Variants in DACH1 observed in about 807,000 individuals in gnomAD.
The protein encoded by DACH1 is dachshund family transcription factor 1.
In DACH1, 12 loss-of-function variants were observed where a neutral mutation model predicts 54.2. The ratio of observed to expected loss-of-function variants is 0.22; its 90% CI spans 0.14 to 0.36. The LOEUF is 0.36. DACH1 is among the 10% of genes least tolerant of loss of function. DACH1 has a pLI of 1.00. For missense variants in DACH1, 805 were observed against 929.8 expected, an observed-to-expected ratio of 0.87 and a Z score of 1.75; for synonymous variants, 386 against 366.2, an observed-to-expected ratio of 1.05 and a Z score of -0.62.
At position 71,623,534 on chromosome 13, in the gene DACH1, G is replaced by T. The variant is rs111689961; in HGVS notation, c.1126+7022C>A. ...AATACTTATCCATCATATAATGCTTGCATAATATGTAAATAGATGTTATAG... is the reference window on the plus strand; with the variant it reads ...AATACTTATCCATCATATAATGCTTTCATAATATGTAAATAGATGTTATAG... On this transcript the variant is annotated intron_variant, in intron 3 of 10. Coordinates refer to ENST00000613252, the MANE Select transcript of DACH1 (RefSeq NM_080759.6). 2.0e-3 allele frequency among the ~76,000 whole-genome samples: 307 copies of T among 151,670 alleles called. 2 individuals carry two copies. The highest frequency in any genetic ancestry group is 7.1e-3 in the African/African-American group (293 of 41,444).
chr13:71,679,485 A>T (rs1345062299), intron 2 of DACH1, among the ~76,000 whole-genome samples: 1 of 152,182 alleles, frequency 6.6e-6, no homozygotes, highest in Non-Finnish European at 1.5e-5. Flanking sequence ...TATAATATGA[A>T]TACAATCTAG....
intron 1 of DACH1, among the ~76,000 whole-genome samples, chr13:71,809,531 C>T (rs1393682522): frequency 1.3e-5 from 2 of 152,062 alleles, no homozygotes; most frequent in African/African-American, 4.8e-5. Flanking sequence ...AATGGTGCCA[C>T]AAATTAATAA....
intron 1 of DACH1, among the ~76,000 whole-genome samples, chr13:71,804,572 C>G (rs1195590909): frequency 6.6e-6 from 1 of 152,152 alleles, no homozygotes; most frequent in Non-Finnish European, 1.5e-5. Flanking sequence ...CAAGGCTCTT[C>G]TTTCTTGACC....
chr13:71,772,301 T>A (rs1268584011), intron 1 of DACH1, among the ~76,000 whole-genome samples: 1 of 151,774 alleles, frequency 6.6e-6, no homozygotes. Flanking sequence ...AAAATCACAC[T>A]TTTGTTAAAG....
At chr13:71,529,968 G>C (rs1882301334) in intron 6 of DACH1, among the ~76,000 whole-genome samples, 1 of 152,074 alleles carries the variant, frequency 6.6e-6, no homozygotes, top group African/African-American at 2.4e-5. Context: ...TTTTTGTCAA[G>C]TTAGGTAGCA....
At chr13:71,612,868 C>T (rs1483887562) in intron 3 of DACH1, among the ~76,000 whole-genome samples, 4 of 152,080 alleles carry the variant, frequency 2.6e-5, no homozygotes, top group Admixed American at 6.5e-5. Context: ...ATAATGTATA[C>T]AAAAGCATTC....
intron 6 of DACH1, among the ~76,000 whole-genome samples, chr13:71,554,922 G>C (rs1314678281): frequency 6.6e-6 from 1 of 152,074 alleles, no homozygotes; most frequent in African/African-American, 2.4e-5. Context: ...TCAATTCAAA[G>C]GATAACATTG....
chr13:71,738,284 GGTGA>G (rs1416026796), intron 1 of DACH1, among the ~76,000 whole-genome samples: 1 of 152,070 alleles, frequency 6.6e-6, no homozygotes, highest in East Asian at 1.9e-4. Flanking sequence ...CTTGGGGCAG[GGTGA>G]GTGAGGAGAG....
At chr13:71,518,523 T>C (rs1881329503) in intron 6 of DACH1, among the ~76,000 whole-genome samples, 1 of 151,930 alleles carries the variant, frequency 6.6e-6, no homozygotes, top group African/African-American at 2.4e-5. Flanking sequence ...TAAAGTATCA[T>C]TTCATGTGTC....
chr13:71,748,400 A>G (rs1884702977), intron 1 of DACH1, among the ~76,000 whole-genome samples: 1 of 152,246 alleles, frequency 6.6e-6, no homozygotes, highest in Non-Finnish European at 1.5e-5. Flanking sequence ...GTGCTTGGAA[A>G]TCATTTTACA....
At chr13:71,500,091 A>C (rs1055174825) in intron 6 of DACH1, among the ~76,000 whole-genome samples, 1 of 152,110 alleles carries the variant, frequency 6.6e-6, no homozygotes, top group Admixed American at 6.5e-5. Context: ...CTCTAATTTC[A>C]TGGATGGTGG....
intron 1 of DACH1, among the ~76,000 whole-genome samples, chr13:71,818,716 G>C (rs1358032866): frequency 6.6e-6 from 1 of 152,180 alleles, no homozygotes; most frequent in African/African-American, 2.4e-5. Flanking sequence ...TTATCTTCCA[G>C]TTAGCAAACA....
rs187029828 is a variant in DACH1, at chr13:71,554,926, A to G, written c.1570+2098T>C. ...AAAAATATAGGTCAATTCAAAGGAT[A>G]ACATTGCACAAAGCTCTCCACCAAA... On this transcript the variant is annotated intron_variant, in intron 6 of 10. Coordinates refer to ENST00000613252, the MANE Select transcript of DACH1 (RefSeq NM_080759.6). Among the ~76,000 whole-genome samples the G allele has an allele frequency of 3.3e-4, 50 of 152,294 alleles. No homozygotes were observed. In the East Asian group the frequency reaches 9.5e-3, roughly 29 times the overall value.
At chr13:71,793,449 T>A (rs1036679155) in intron 1 of DACH1, among the ~76,000 whole-genome samples, 2 of 152,222 alleles carry the variant, frequency 1.3e-5, no homozygotes, top group Non-Finnish European at 2.9e-5. Flanking sequence ...TCCAGATTCC[T>A]TGCTATAGAT....
chr13:71,760,687 TGTA>T (rs893829181), intron 1 of DACH1, among the ~76,000 whole-genome samples: 1 of 152,196 alleles, frequency 6.6e-6, no homozygotes, highest in African/African-American at 2.4e-5. Flanking sequence ...TCAAGGGTGT[TGTA>T]GTGGTGAGGA....
At chr13:71,764,856 T>C (rs570413061) in intron 1 of DACH1, among the ~76,000 whole-genome samples, 8 of 152,350 alleles carry the variant, frequency 5.3e-5, no homozygotes, top group African/African-American at 1.9e-4. Flanking sequence ...AAATATACGA[T>C]TGGTCTTTGG....
intron 1 of DACH1, among the ~76,000 whole-genome samples, chr13:71,790,252 T>C (rs303952): frequency 0.52 from 78,488 of 151,832 alleles, 21,865 homozygotes; most frequent in East Asian, 0.87. Flanking sequence ...AACGAATGCT[T>C]TAGTCGAACC....
chr13:71,524,725 A>G (rs1047762101), intron 6 of DACH1, among the ~76,000 whole-genome samples: 27 of 152,164 alleles, frequency 1.8e-4, no homozygotes, highest in African/African-American at 6.0e-4. Flanking sequence ...GAGATAGCAT[A>G]TTTGCAAGTC....
chr13:71,848,205 A>T (rs1873411550), intron 1 of DACH1, among the ~76,000 whole-genome samples: 1 of 121,904 alleles, frequency 8.2e-6, no homozygotes, highest in African/African-American at 4.0e-5. Flanking sequence ...TGAAGCCATT[A>T]TCCCCCCCCA....
Sources: allele counts gnomAD v4.1 joint callset (sites outside exome capture counted in the v4.1 genomes callset), GRCh38; gene constraint gnomAD v4.1.1; transcripts MANE v1.5; gene names NCBI Gene and HGNC (gene_info 2026-07-23, HGNC 2026-07-21).